The following NR5A2 variants were observed in gnomAD, a reference collection of about 807,000 sequenced individuals.
The protein encoded by NR5A2 is CYP7A promoter-binding factor.
Under a neutral mutation model 62.7 loss-of-function variants are expected in NR5A2, and 26 were observed. That is an observed-to-expected ratio of 0.41 (90% confidence interval 0.30 to 0.58). The LOEUF (loss-of-function observed/expected upper bound fraction) is 0.58, where lower values mean the gene tolerates loss of function less well. NR5A2 is among the 20% of genes least tolerant of loss of function. NR5A2 has a pLI of 0.22. For missense variants in NR5A2, 541 were observed against 669.1 expected (o/e 0.81, Z 2.11); for synonymous variants, 246 against 241.7 (o/e 1.02, Z -0.16).
chr1:200,097,363 C>T (rs1489847613), intron 5 of NR5A2, among the ~76,000 whole-genome samples: 1 of 152,154 alleles, frequency 6.6e-6, no homozygotes. Flanking sequence ...TCCCTTCTTA[C>T]AAGGGAGACA....
At chr1:200,168,047 AAATGAATG>A (rs527761743) in intron 7 of NR5A2, among the ~76,000 whole-genome samples, 8 of 152,250 alleles carry the variant, frequency 5.3e-5, no homozygotes, top group South Asian at 2.1e-4. Flanking sequence ...CTGAATGAAT[AAATGAATG>A]AATGAATGAA....
intron 1 of NR5A2, among the ~76,000 whole-genome samples, chr1:200,031,506 C>A (rs1002243202): frequency 3.3e-5 from 5 of 151,006 alleles, no homozygotes; most frequent in Non-Finnish European, 7.4e-5. Context: ...CAAAGTGAGA[C>A]CCTATCTCAA....
intron 7 of NR5A2, among the ~76,000 whole-genome samples, chr1:200,141,232 TCAC>T (rs547040853): frequency 8.5e-4 from 130 of 152,338 alleles, no homozygotes; most frequent in African/African-American, 2.9e-3. Context: ...AACTTTTTCA[TCAC>T]CACAAGTTTC....
Position 200,048,158 on chromosome 1 carries a change from C to A in NR5A2, c.464-14C>A, listed in dbSNP as rs1288279752. 6.3e-7 allele frequency: 1 copy of A among 1,580,172 alleles called. No homozygotes were observed. Among genetic ancestry groups the A allele is most frequent in the East Asian group, 2.2e-5 (1 of 44,450 alleles). ...TATACCTTTCCTTCCTTCCCCCCAC[C>A]CCACCCCCAACAGCTGTAAGGGCCG... is the stretch of plus-strand genomic sequence containing the variant. On this transcript the variant is annotated splice_polypyrimidine_tract_variant and intron_variant, in intron 4 of 7. Coordinates refer to ENST00000367362, the MANE Select transcript of NR5A2 (RefSeq NM_205860.3). This position sits in a 1 kb window ranked among gnomAD's most constrained non-coding sequence, Gnocchi z 4.8.
intron 6 of NR5A2, among the ~76,000 whole-genome samples, chr1:200,120,213 T>A (rs1018146644): frequency 6.6e-6 from 1 of 152,226 alleles, no homozygotes; most frequent in African/African-American, 2.4e-5. Flanking sequence ...GAACTATGAT[T>A]ACTTTAAAAT....
intron 5 of NR5A2, among the ~76,000 whole-genome samples, chr1:200,110,726 T>C (rs1380136677): frequency 6.6e-6 from 1 of 152,230 alleles, no homozygotes; most frequent in Non-Finnish European, 1.5e-5. Context: ...GCTGTAATGC[T>C]AATTTTCTTT....
intron 7 of NR5A2, among the ~76,000 whole-genome samples, chr1:200,123,958 C>A (rs2102315211): frequency 6.6e-6 from 1 of 152,012 alleles, no homozygotes; most frequent in African/African-American, 2.4e-5. Flanking sequence ...CCTGCCACCA[C>A]ACCTGGCTAA....
chr1:200,156,339 C>G (rs1219760663), intron 7 of NR5A2, among the ~76,000 whole-genome samples: 4 of 152,222 alleles, frequency 2.6e-5, no homozygotes, highest in Non-Finnish European at 5.9e-5. Context: ...AACTTTTTGA[C>G]TTCACGATGC....
At chr1:200,037,313 G>A (rs901244126) in intron 1 of NR5A2, among the ~76,000 whole-genome samples, 2 of 152,024 alleles carry the variant, frequency 1.3e-5, no homozygotes, top group Non-Finnish European at 2.9e-5. Flanking sequence ...AACTTCCCCC[G>A]GCTTCACCAA....
chr1:200,098,269 C>T (rs1020984265), intron 5 of NR5A2, among the ~76,000 whole-genome samples: 15 of 152,132 alleles, frequency 9.9e-5, no homozygotes, highest in African/African-American at 3.4e-4. Context: ...TCCCCCAAAT[C>T]GGAAGGAGTG....
Position 200,156,385 on chromosome 1 carries a change from C to G in NR5A2, c.1379-17578C>G, listed in dbSNP as rs114953067. ...TCCACATCCAGTAGAAACCATACTT[C>G]AAGTACCCATACAACCATTCTGGTT... On this transcript the variant is annotated intron_variant, in intron 7 of 7. Transcript: ENST00000367362. Among the ~76,000 whole-genome samples, 508 of 152,296 alleles carry G rather than the reference C, an allele frequency of 3.3e-3. 1 individual carries two copies. The highest frequency in any genetic ancestry group is 0.012 in the African/African-American group (496 of 41,568).
chr1:200,125,652 T>C (rs965967717), intron 7 of NR5A2, among the ~76,000 whole-genome samples: 2 of 152,216 alleles, frequency 1.3e-5, no homozygotes, highest in Admixed American at 1.3e-4. Context: ...CTGTAGTGTC[T>C]AGTCATGATT....
chr1:200,139,489 G>A (rs1370197834), intron 7 of NR5A2, among the ~76,000 whole-genome samples: 1 of 152,110 alleles, frequency 6.6e-6, no homozygotes, highest in Non-Finnish European at 1.5e-5. Context: ...GTCTATTTTA[G>A]TAGTCTTCTT....
intron 5 of NR5A2, among the ~76,000 whole-genome samples, chr1:200,104,786 C>T (rs563733010): frequency 6.6e-6 from 1 of 152,298 alleles, no homozygotes; most frequent in African/African-American, 2.4e-5. Context: ...TCTCAGCCTC[C>T]CGAGTAGCTG....
intron 7 of NR5A2, among the ~76,000 whole-genome samples, chr1:200,164,131 C>G (rs963934274): frequency 2.0e-5 from 3 of 152,152 alleles, no homozygotes; most frequent in Admixed American, 2.0e-4. Context: ...CCTGCCCCAC[C>G]CTCACCCGCC....
intron 7 of NR5A2, among the ~76,000 whole-genome samples, chr1:200,146,996 C>T (rs1435127619): frequency 6.8e-6 from 1 of 147,632 alleles, no homozygotes; most frequent in African/African-American, 2.5e-5. Flanking sequence ...TGTTTTTATT[C>T]ACTGAAACCA....
In NR5A2 at chr1:200,039,682, G is replaced by A. The variant is rs370524609; in HGVS notation, c.89G>A (p.Gly30Glu). The change falls in exon 2 of 8, where the codon GGA becomes GAA. Residue 30 changes from glycine to glutamate, a missense_variant. By Grantham distance (98) the Gly-to-Glu change is moderately conservative. Transcript: ENST00000367362. The surrounding 1 kb of genome is among the most constrained non-coding windows in gnomAD (Gnocchi z 5.1). ...PIGAGLPDRH[G>E]SPIPARGRLV... The stretch of plus-strand genomic sequence containing the variant: ...GGTGCTGGGCTTCCGGACCGACACG[G>A]ATCCCCCATCCCCGCCCGCGGTCGC... The A allele has an allele frequency of 5.0e-6, 8 of 1,611,464 alleles. No individual in the cohort carries two copies. In the African/African-American group the frequency reaches 8.1e-5, roughly 16 times the overall value.
At chr1:200,065,586 T>A (rs1290050757) in intron 5 of NR5A2, among the ~76,000 whole-genome samples, 1 of 152,234 alleles carries the variant, frequency 6.6e-6, no homozygotes, top group African/African-American at 2.4e-5. Flanking sequence ...CCACACTAGC[T>A]TTTTAAAATT....
intron 5 of NR5A2, among the ~76,000 whole-genome samples, chr1:200,095,460 T>A (rs1478128653): frequency 1.3e-5 from 2 of 152,196 alleles, no homozygotes; most frequent in Admixed American, 1.3e-4. Flanking sequence ...TGGCTGGATG[T>A]CCATTGGTGA....
Sources: allele counts gnomAD v4.1 joint callset (sites outside exome capture counted in the v4.1 genomes callset), GRCh38; gene constraint gnomAD v4.1.1; non-coding constraint Gnocchi (gnomAD v3.1); transcripts MANE v1.5; gene names NCBI Gene and HGNC (gene_info 2026-07-23, HGNC 2026-07-21).